The following CCDC91 variants were observed in gnomAD, a reference collection of about 807,000 sequenced individuals.
The protein encoded by CCDC91 is coiled-coil domain containing 91.
A neutral mutation model predicts 63.2 loss-of-function variants in CCDC91; 48 were observed. The observed-to-expected ratio is 0.76, with a 90% CI of 0.60 to 0.97. The LOEUF is 0.97. Ranked by LOEUF, CCDC91 falls within the 50% of genes least tolerant of loss-of-function variation. The pLI is 0.00. For missense variants in CCDC91, 500 were observed against 494.6 expected (o/e 1.01, Z -0.10); for synonymous variants, 167 against 165.8 (o/e 1.01, Z -0.06).
chr12:28,365,386 AC>A lies in CCDC91; in HGVS notation c.654+2872del, dbSNP rs569465927. Among the ~76,000 whole-genome samples the A allele has an allele frequency of 1.3e-4, 20 of 152,318 alleles. No individual in the cohort carries two copies. In the East Asian group the frequency reaches 3.3e-3, roughly 25 times the overall value. ...GTTAGAACCAAAAAATGATTTAAAAACATCAAAAGCAACCTGTTTAGAAAAA... is the reference window on the plus strand; with the variant it reads ...GTTAGAACCAAAAAATGATTTAAAAAATCAAAAGCAACCTGTTTAGAAAAA... On this transcript the variant is annotated intron_variant, in intron 7 of 12. Transcript: ENST00000536442.
At chr12:28,262,952 C>T (rs1255054958) in intron 3 of CCDC91, among the ~76,000 whole-genome samples, 1 of 152,024 alleles carries the variant, frequency 6.6e-6, no homozygotes, top group African/African-American at 2.4e-5. Context: ...CATAGCCTAA[C>T]CCTCCACATT....
intron 8 of CCDC91, among the ~76,000 whole-genome samples, chr12:28,439,246 CTTT>C (rs913188648): frequency 6.6e-6 from 1 of 152,036 alleles, no homozygotes; most frequent in Non-Finnish European, 1.5e-5. Context: ...GTGGTAACTT[CTTT>C]AAGTAGATTT....
At chr12:28,231,636 C>T (rs968297412) in intron 1 of CCDC91, among the ~76,000 whole-genome samples, 2 of 151,854 alleles carry the variant, frequency 1.3e-5, no homozygotes, top group Non-Finnish European at 2.9e-5. Flanking sequence ...TTTAACTGTA[C>T]TTAAATGAAG....
intron 12 of CCDC91, among the ~76,000 whole-genome samples, chr12:28,539,381 T>C (rs1942453820): frequency 6.6e-6 from 1 of 152,220 alleles, no homozygotes; most frequent in Admixed American, 6.5e-5. Context: ...CCCCATTTCT[T>C]GTTTTTGTCA....
At chr12:28,511,812 G>A (rs1166096659) in intron 12 of CCDC91, among the ~76,000 whole-genome samples, 1 of 151,822 alleles carries the variant, frequency 6.6e-6, no homozygotes, top group Non-Finnish European at 1.5e-5. Context: ...TTATGCGGCT[G>A]GCAGGCTTCT....
intron 6 of CCDC91, among the ~76,000 whole-genome samples, chr12:28,359,562 T>C (rs550403833): frequency 4.1e-4 from 63 of 152,318 alleles, no homozygotes; most frequent in African/African-American, 1.5e-3. Context: ...AGATTACTTA[T>C]GAGTTTGTCA....
At chr12:28,378,687 T>G (rs1478051039) in intron 7 of CCDC91, among the ~76,000 whole-genome samples, 2 of 152,074 alleles carry the variant, frequency 1.3e-5, no homozygotes, top group African/African-American at 4.8e-5. Flanking sequence ...TGAATAAGGA[T>G]TCTCATAAAT....
Position 28,452,563 on chromosome 12 carries a change from GGGAATTAT to G in CCDC91, c.1015_1022del (p.Leu339AspfsTer30). ...TTAGAAAAAGCGCATGCTGAAGAAA[GGGAATTAT>G]GGAAGACAGAACATGCAAAAGATCA... On this transcript the variant is annotated frameshift_variant, in exon 11 of 13. Transcript: ENST00000536442. LOFTEE classifies it high-confidence loss of function. 6.3e-7 allele frequency: 1 copy of G among 1,591,316 alleles called. No individual in the cohort carries two copies. Among genetic ancestry groups the G allele is most frequent in the South Asian group, 1.2e-5 (1 of 86,952 alleles).
chr12:28,408,228 T>C (rs1402840115), intron 8 of CCDC91, among the ~76,000 whole-genome samples: 1 of 152,070 alleles, frequency 6.6e-6, no homozygotes, highest in Non-Finnish European at 1.5e-5. Context: ...GGTGAGAACA[T>C]GTGGTGTTTG....
At chr12:28,411,857 C>T (rs1208072417) in intron 8 of CCDC91, among the ~76,000 whole-genome samples, 1 of 152,088 alleles carries the variant, frequency 6.6e-6, no homozygotes, top group Non-Finnish European at 1.5e-5. Context: ...CAAGAAAAAG[C>T]CTCAGGCAGG....
chr12:28,467,740 A>G (rs1056130661), intron 11 of CCDC91, among the ~76,000 whole-genome samples: 11 of 152,220 alleles, frequency 7.2e-5, no homozygotes, highest in African/African-American at 2.6e-4. Context: ...CATTTTTAAC[A>G]ATTTGAATAA....
At chr12:28,224,762 G>A (rs1944165969) in intron 1 of CCDC91, among the ~76,000 whole-genome samples, 1 of 152,190 alleles carries the variant, frequency 6.6e-6, no homozygotes, top group Non-Finnish European at 1.5e-5. Context: ...CACAGTGAAA[G>A]TTTTTGTGAA....
chr12:28,411,657 T>C (rs1482683940), intron 8 of CCDC91, among the ~76,000 whole-genome samples: 1 of 152,218 alleles, frequency 6.6e-6, no homozygotes, highest in African/African-American at 2.4e-5. Context: ...AATGATGTTT[T>C]GGTGAACGAT....
At chr12:28,369,338 C>T (rs1197865870) in intron 7 of CCDC91, among the ~76,000 whole-genome samples, 35 of 152,138 alleles carry the variant, frequency 2.3e-4, no homozygotes, top group Admixed American at 2.2e-3. Flanking sequence ...GCAGGACAGT[C>T]ATTAAATCTT....
Position 28,221,504 on chromosome 12 carries a change from A to G in CCDC91, c.-15+30863A>G, listed in dbSNP as rs7137804. On this transcript the variant is annotated intron_variant, in intron 1 of 12. Coordinates refer to ENST00000536442, the MANE Select transcript of CCDC91 (RefSeq NM_018318.5). ...TGATTGCTGAATTTTGTTGTTTTAA[A>G]TAGTTTTGTATTTTGTTCTGACTCT... 7.1e-4 allele frequency among the ~76,000 whole-genome samples: 108 copies of G among 152,212 alleles called. 1 individual carries two copies. Among genetic ancestry groups the G allele is most frequent in the African/African-American group, 1.9e-3 (77 of 41,532 alleles).
At chr12:28,201,846 C>T (rs1168773142) in intron 1 of CCDC91, among the ~76,000 whole-genome samples, 11 of 143,932 alleles carry the variant, frequency 7.6e-5, no homozygotes, top group Non-Finnish European at 1.4e-4. Context: ...GCCAACACAG[C>T]GAAACCCCGT....
At position 28,549,062 on chromosome 12, in the gene CCDC91, G is replaced by T; in HGVS notation, c.1216-1G>T. On this transcript the variant is annotated splice_acceptor_variant, in intron 12 of 12. Coordinates refer to ENST00000536442, the MANE Select transcript of CCDC91 (RefSeq NM_018318.5). LOFTEE classifies it high-confidence loss of function. ...TCTCTCTCTTTAAAAAAATTAAACAGCTCGATCAAGTCATCCGCCAAAGAA... is the reference window on the plus strand; with the variant it reads ...TCTCTCTCTTTAAAAAAATTAAACATCTCGATCAAGTCATCCGCCAAAGAA... 6.3e-7 allele frequency: 1 copy of T among 1,598,592 alleles called. No individual in the cohort carries two copies. Among genetic ancestry groups the T allele is most frequent in the Non-Finnish European group, 8.6e-7 (1 of 1,168,154 alleles).
chr12:28,450,200 C>T lies in CCDC91; in HGVS notation c.802C>T (p.Leu268=), dbSNP rs1374849023. ...TGAAATGCTAGATACAGAGAAGGAA[C>T]TGTTAAAAGAAAAAATAAAGGAAGC... is the stretch of plus-strand genomic sequence containing the variant. The part of the protein sequence containing the change: ...LLEMLDTEKE[L]LKEKIKEALI... Residue 268 remains leucine, a synonymous_variant, in exon 9 of 13, where the codon CTG becomes TTG. Coordinates refer to ENST00000536442, the MANE Select transcript of CCDC91 (RefSeq NM_018318.5). 2.5e-6 allele frequency: 4 copies of T among 1,609,718 alleles called. No homozygotes were observed. Among genetic ancestry groups the T allele is most frequent in the Admixed American group, 1.7e-5 (1 of 59,700 alleles).
At chr12:28,221,173 G>A (rs937697089) in intron 1 of CCDC91, among the ~76,000 whole-genome samples, 5 of 151,830 alleles carry the variant, frequency 3.3e-5, no homozygotes, top group Admixed American at 3.3e-4. Flanking sequence ...CTTCCACAGT[G>A]TTTAATATGC....
Sources: allele counts gnomAD v4.1 joint callset (sites outside exome capture counted in the v4.1 genomes callset), GRCh38; gene constraint gnomAD v4.1.1; transcripts MANE v1.5; gene names NCBI Gene and HGNC (gene_info 2026-07-23, HGNC 2026-07-21).